The following SPAG16 variants were observed in gnomAD, a reference collection of about 807,000 sequenced individuals.
SPAG16 encodes the protein sperm associated antigen 16.
SPAG16 carries 86 observed loss-of-function variants against 80.4 expected under a neutral mutation model. The observed-to-expected ratio is 1.07, with a 90% CI of 0.90 to 1.28. SPAG16 has a LOEUF of 1.28. Among genes scored for constraint, SPAG16 ranks in the 50% most tolerant of loss-of-function variants. The probability of loss-of-function intolerance (pLI) is 0.00; values close to 1 mark genes in which losing one functional copy is unlikely to be tolerated. For synonymous variants in SPAG16, 294 were observed against 265.9 expected (o/e 1.11, Z -1.03); for missense variants, 870 against 765.3 (o/e 1.14, Z -1.61).
chr2:213,935,794 T>C (rs994578092), intron 12 of SPAG16, among the ~76,000 whole-genome samples: 3 of 152,228 alleles, frequency 2.0e-5, no homozygotes, highest in Admixed American at 1.3e-4. Flanking sequence ...CTCACAGGTT[T>C]ATTTATTTGC....
intron 15 of SPAG16, among the ~76,000 whole-genome samples, chr2:214,321,730 T>C (rs1696111408): frequency 6.6e-6 from 1 of 152,242 alleles, no homozygotes; most frequent in African/African-American, 2.4e-5. Context: ...TTGTGCTTAT[T>C]AGACTGGTAT....
intron 11 of SPAG16, among the ~76,000 whole-genome samples, chr2:213,866,309 T>C (rs1005834498): frequency 6.6e-6 from 1 of 152,082 alleles, no homozygotes; most frequent in Non-Finnish European, 1.5e-5. Flanking sequence ...CATTTCACTA[T>C]TTTGAATGCA....
At chr2:214,078,533 CAA>C (rs35101370) in intron 13 of SPAG16, among the ~76,000 whole-genome samples, 16,348 of 116,906 alleles carry the variant, frequency 0.14, 969 homozygotes, top group South Asian at 0.29. Context: ...GAGCCTGTCT[CAA>C]AAAAAAAAAA....
chr2:214,246,209 G>A (rs1689836079), intron 15 of SPAG16, among the ~76,000 whole-genome samples: 1 of 151,932 alleles, frequency 6.6e-6, no homozygotes. Context: ...ACAAATCCCT[G>A]GACTCCGTAG....
intron 9 of SPAG16, among the ~76,000 whole-genome samples, chr2:213,387,208 C>A (rs891443297): frequency 7.3e-5 from 11 of 151,588 alleles, no homozygotes; most frequent in Non-Finnish European, 1.5e-4. Flanking sequence ...TAAATTGGAG[C>A]TAGATTATAA....
At chr2:213,324,612 T>G (rs953262694) in intron 5 of SPAG16, among the ~76,000 whole-genome samples, 3 of 152,204 alleles carry the variant, frequency 2.0e-5, no homozygotes, top group Non-Finnish European at 4.4e-5. Context: ...CTAAGTAGTA[T>G]TCTGTTGTAT....
chr2:213,667,700 TAAAG>T (rs1180572582), intron 10 of SPAG16, among the ~76,000 whole-genome samples: 3 of 151,942 alleles, frequency 2.0e-5, no homozygotes, highest in Non-Finnish European at 4.4e-5. Context: ...GTGGGGAAGA[TAAAG>T]AGAGAAATAA....
At chr2:214,054,418 A>G (rs2049827070) in intron 13 of SPAG16, among the ~76,000 whole-genome samples, 2 of 152,230 alleles carry the variant, frequency 1.3e-5, no homozygotes, top group Non-Finnish European at 2.9e-5. Flanking sequence ...TTATTTATCC[A>G]ATTGTTCTTA....
At chr2:213,705,861 T>C (rs2065729748) in intron 10 of SPAG16, among the ~76,000 whole-genome samples, 2 of 152,194 alleles carry the variant, frequency 1.3e-5, no homozygotes, top group South Asian at 4.1e-4. Flanking sequence ...CCAAGTTTTC[T>C]TTTTAAAAAT....
chr2:214,148,736 T>C (rs1177263877), intron 14 of SPAG16, among the ~76,000 whole-genome samples: 2 of 152,088 alleles, frequency 1.3e-5, no homozygotes, highest in Non-Finnish European at 2.9e-5. Context: ...ATTCACAGTT[T>C]TTATGTGTCA....
intron 11 of SPAG16, among the ~76,000 whole-genome samples, chr2:213,873,393 CTA>C (rs1237825775): frequency 6.6e-6 from 1 of 151,638 alleles, no homozygotes; most frequent in Non-Finnish European, 1.5e-5. Flanking sequence ...TGAGTCCTCT[CTA>C]TTTTTTTGTT....
intron 6 of SPAG16, among the ~76,000 whole-genome samples, chr2:213,349,573 A>G (rs6435770): frequency 0.26 from 40,111 of 152,048 alleles, 6,140 homozygotes; most frequent in Middle Eastern, 0.45. Context: ...ATATGACCAA[A>G]AATATTACAT....
rs993534848 is a variant in SPAG16 at position 213,701,313 on chromosome 2, G to A, written c.1071-161172G>A. On this transcript the variant is annotated intron_variant, in intron 10 of 15. Coordinates refer to ENST00000331683, the MANE Select transcript of SPAG16 (RefSeq NM_024532.5). ...GATACTACAGTCTGTAAGGACGTAG[G>A]AGTCTCAAAAATCATTTGAGTTCAA... Among the ~76,000 whole-genome samples the A allele has an allele frequency of 7.2e-5, 11 of 152,182 alleles. 1 individual carries two copies. Among genetic ancestry groups the A allele is most frequent in the African/African-American group, 1.7e-4 (7 of 41,454 alleles).
chr2:213,368,470 C>T (rs1207189963), intron 8 of SPAG16, among the ~76,000 whole-genome samples: 1 of 152,076 alleles, frequency 6.6e-6, no homozygotes, highest in Admixed American at 6.6e-5. Context: ...ACTGAATGGG[C>T]AAAAACTGGA....
At chr2:213,337,904 A>G (rs2064459298) in intron 5 of SPAG16, among the ~76,000 whole-genome samples, 1 of 152,094 alleles carries the variant, frequency 6.6e-6, no homozygotes, top group Non-Finnish European at 1.5e-5. Flanking sequence ...AAGATCAAGC[A>G]AAAGACACAT....
intron 10 of SPAG16, among the ~76,000 whole-genome samples, chr2:213,499,541 G>A (rs1461752239): frequency 6.6e-6 from 1 of 152,098 alleles, no homozygotes; most frequent in Non-Finnish European, 1.5e-5. Flanking sequence ...AACATACTGT[G>A]TATTATCTAC....
intron 13 of SPAG16, among the ~76,000 whole-genome samples, chr2:214,026,208 A>C (rs2048120344): frequency 6.6e-6 from 1 of 151,510 alleles, no homozygotes; most frequent in South Asian, 2.1e-4. Flanking sequence ...TTGCAATAAC[A>C]TATATACATA....
intron 10 of SPAG16, among the ~76,000 whole-genome samples, chr2:213,667,599 C>T (rs911902636): frequency 6.6e-5 from 10 of 152,132 alleles, no homozygotes; most frequent in Non-Finnish European, 1.2e-4. Context: ...AAGAGATTGA[C>T]GTTGGAGAGA....
chr2:213,724,648 A>T (rs185232714), intron 10 of SPAG16, among the ~76,000 whole-genome samples: 172 of 151,202 alleles, frequency 1.1e-3, no homozygotes, highest in African/African-American at 3.7e-3. Context: ...TGTGGTGGCG[A>T]GTGCCTGTAG....
Sources: allele counts gnomAD v4.1 joint callset (sites outside exome capture counted in the v4.1 genomes callset), GRCh38; gene constraint gnomAD v4.1.1; transcripts MANE v1.5; gene names NCBI Gene and HGNC (gene_info 2026-07-23, HGNC 2026-07-21).